CDYL2: variants seen among roughly 807,000 people sequenced by gnomAD.
The protein encoded by CDYL2 is chromodomain Y-like protein 2.
CDYL2 carries 23 observed loss-of-function variants against 49.4 expected under a neutral mutation model. That is an observed-to-expected ratio of 0.47 (90% CI 0.34 to 0.66). The LOEUF (loss-of-function observed/expected upper bound fraction) is 0.66. Ranked by LOEUF, CDYL2 falls within the 30% of genes least tolerant of loss-of-function variation. The pLI is 0.01. For missense variants in CDYL2, 678 were observed against 656.4 expected, an observed-to-expected ratio of 1.03 and a Z score of -0.36; for synonymous variants, 360 against 268.8, an observed-to-expected ratio of 1.34 and a Z score of -3.32.
At chr16:80,633,333 G>A in intron 2 of CDYL2, 97 bp from the exon 3 acceptor site, 1 of 1,226,056 alleles carries the variant, frequency 8.2e-7, no homozygotes, top group Non-Finnish European at 1.2e-6. Context: ...GGAAAGGTTT[G>A]GATGTGCTGG....
At chr16:80,772,318 T>G (rs766692056) in intron 1 of CDYL2, among the ~76,000 whole-genome samples, 1 of 152,050 alleles carries the variant, frequency 6.6e-6, no homozygotes, top group Non-Finnish European at 1.5e-5. Flanking sequence ...GTCAAAAGAA[T>G]AATAACAATT....
At chr16:80,720,252 G>A (rs374044330) in intron 1 of CDYL2, among the ~76,000 whole-genome samples, 3 of 152,022 alleles carry the variant, frequency 2.0e-5, no homozygotes, top group South Asian at 2.1e-4. Context: ...CCTGGATTCC[G>A]TGCTGAATCC....
chr16:80,610,755 C>T (rs1906558066), intron 5 of CDYL2, among the ~76,000 whole-genome samples: 1 of 152,138 alleles, frequency 6.6e-6, no homozygotes, highest in Non-Finnish European at 1.5e-5. Flanking sequence ...GGCCGGGAGC[C>T]AGCACTCGGC....
At chr16:80,621,441 C>A (rs1274652831) in intron 3 of CDYL2, among the ~76,000 whole-genome samples, 1 of 152,236 alleles carries the variant, frequency 6.6e-6, no homozygotes, top group East Asian at 1.9e-4. Flanking sequence ...GGCATCAGAT[C>A]CAGACCTGGG....
intron 1 of CDYL2, among the ~76,000 whole-genome samples, chr16:80,801,495 C>A (rs142872370): frequency 6.6e-6 from 1 of 152,222 alleles, no homozygotes; most frequent in African/African-American, 2.4e-5. Flanking sequence ...AATCACACTT[C>A]ACCATAAAGG....
chr16:80,722,125 T>A (rs1312048175), intron 1 of CDYL2, among the ~76,000 whole-genome samples: 1 of 152,130 alleles, frequency 6.6e-6, no homozygotes, highest in Non-Finnish European at 1.5e-5. Context: ...GGTGTTTCTT[T>A]TAAAAGTACA....
At chr16:80,639,709 G>A (rs745807739) in intron 2 of CDYL2, 7 of 455,882 alleles carry the variant, frequency 1.5e-5, no homozygotes, top group African/African-American at 6.0e-5. Flanking sequence ...AAGAAGCACC[G>A]AAGAGGTAAG....
intron 1 of CDYL2, 22 bp downstream of exon 1, chr16:80,804,128 C>T (rs765019185): frequency 2.6e-6 from 3 of 1,169,510 alleles, no homozygotes; most frequent in South Asian, 3.8e-5. Flanking sequence ...TGGGGCCGGC[C>T]CGCGCCCCCG....
chr16:80,631,945 G>A lies in CDYL2; in HGVS notation c.834+1074C>T, dbSNP rs578191628. Reference sequence around the variant, plus strand: ...ACCCTCACATACTACTGGTCAGAACGTAAAATGGGGGACCCACTGTGGAAA... The same window carrying A: ...ACCCTCACATACTACTGGTCAGAACATAAAATGGGGGACCCACTGTGGAAA... On this transcript the variant is annotated intron_variant, in intron 3 of 6. Transcript: ENST00000570137. Among the ~76,000 whole-genome samples, 11 of 152,278 alleles carry A rather than the reference G, an allele frequency of 7.2e-5. No individual in the cohort carries two copies. In the East Asian group the frequency reaches 1.2e-3, roughly 16 times the overall value.
chr16:80,610,050 G>A (rs978094231), intron 5 of CDYL2, among the ~76,000 whole-genome samples: 4 of 152,182 alleles, frequency 2.6e-5, no homozygotes, highest in Non-Finnish European at 4.4e-5. Context: ...GGGCCTGGTA[G>A]TGCAGAAGGG....
chr16:80,619,483 A>G (rs1219096111), intron 4 of CDYL2, among the ~76,000 whole-genome samples: 1 of 152,202 alleles, frequency 6.6e-6, no homozygotes, highest in East Asian at 1.9e-4. Flanking sequence ...AAAGACCATG[A>G]TTGACGCTCC....
intron 2 of CDYL2, among the ~76,000 whole-genome samples, chr16:80,639,515 G>C (rs185288329): frequency 2.0e-5 from 3 of 152,172 alleles, no homozygotes; most frequent in Middle Eastern, 6.8e-3. Context: ...ACATTATTCA[G>C]CAATAAAAAA....
chr16:80,750,921 G>A (rs1203180263), intron 1 of CDYL2, among the ~76,000 whole-genome samples: 3 of 152,132 alleles, frequency 2.0e-5, no homozygotes, highest in South Asian at 2.1e-4. Flanking sequence ...TGGGGAGGCT[G>A]AGGCAGGAGA....
intron 1 of CDYL2, among the ~76,000 whole-genome samples, chr16:80,738,166 T>TTCA (rs1162002023): frequency 2.6e-5 from 4 of 152,180 alleles, no homozygotes; most frequent in South Asian, 2.1e-4. Flanking sequence ...GGTTTCCAGC[T>TTCA]TCATCCATGT....
At chr16:80,783,471 A>G (rs1195460899) in intron 1 of CDYL2, among the ~76,000 whole-genome samples, 1 of 151,478 alleles carries the variant, frequency 6.6e-6, no homozygotes, top group East Asian at 2.0e-4. Flanking sequence ...TAGAATTACC[A>G]TGGAACTCAG....
chr16:80,720,882 AAGGCTTTCTTTAG>A (rs1414438526), intron 1 of CDYL2, among the ~76,000 whole-genome samples: 3 of 152,204 alleles, frequency 2.0e-5, no homozygotes. Flanking sequence ...TGGTTGCTGA[AAGGCTTTCTTTAG>A]AGTCACAAGT....
Position 80,634,304 on chromosome 16 carries a change from T to C in CDYL2, c.617-1068A>G, listed in dbSNP as rs374461159. On this transcript the variant is annotated intron_variant, in intron 2 of 6. Coordinates refer to ENST00000570137, the MANE Select transcript of CDYL2 (RefSeq NM_152342.4). ...AATGTGGCAAATATACACCATGGAA[T>C]ACTATGCAACCATAAAAAAGGATGA... Among the ~76,000 whole-genome samples the C allele has an allele frequency of 1.6e-4, 24 of 152,308 alleles. 1 individual carries two copies. The highest frequency in any genetic ancestry group is 3.4e-3 in the Middle Eastern group (1 of 294).
chr16:80,701,730 C>T (rs780131167), intron 1 of CDYL2, among the ~76,000 whole-genome samples: 28 of 152,228 alleles, frequency 1.8e-4, no homozygotes, highest in Admixed American at 3.3e-4. Flanking sequence ...ACAAACTGAT[C>T]GATAAATGTA....
chr16:80,723,969 G>A (rs927456929), intron 1 of CDYL2, among the ~76,000 whole-genome samples: 5 of 149,298 alleles, frequency 3.3e-5, no homozygotes, highest in African/African-American at 1.2e-4. Context: ...AGAAAGAGGA[G>A]GGAGAGAGAG....
Sources: allele counts gnomAD v4.1 joint callset (sites outside exome capture counted in the v4.1 genomes callset), GRCh38; gene constraint gnomAD v4.1.1; transcripts MANE v1.5; gene names NCBI Gene and HGNC (gene_info 2026-07-23, HGNC 2026-07-21).